Variants in LYSMD1 observed in about 807,000 individuals in gnomAD.
LYSMD1 encodes the protein LysM domain containing 1.
LYSMD1 carries 9 observed loss-of-function variants against 19.3 expected under a neutral mutation model. The ratio of observed to expected loss-of-function variants is 0.47; its 90% CI spans 0.28 to 0.81. LYSMD1 has a LOEUF of 0.81. Among genes scored for constraint, LYSMD1 ranks in the 40% least tolerant of loss-of-function variants. The pLI, the probability that LYSMD1 is intolerant of heterozygous loss-of-function variation, is 0.11. For missense variants in LYSMD1, 262 were observed against 279.8 expected, an observed-to-expected ratio of 0.94 and a Z score of 0.45; for synonymous variants, 111 against 111.7, an observed-to-expected ratio of 0.99 and a Z score of 0.04.
At chr1:151,155,645 G>C (rs902838010), downstream of LYSMD1, among the ~76,000 whole-genome samples, 1 of 152,178 alleles carries the variant, frequency 6.6e-6, no homozygotes, top group Non-Finnish European at 1.5e-5. Context: ...GAGCCCAGGA[G>C]GTCAAGGCTG....
chr1:151,152,976 T>A, the LYSMD1 span, among the ~76,000 whole-genome samples: 1 of 152,228 alleles, frequency 6.6e-6, no homozygotes, highest in African/African-American at 2.4e-5. Context: ...AAAAAAGTAC[T>A]ATTCACTTCC....
chr1:151,153,459 C>A, the LYSMD1 span, among the ~76,000 whole-genome samples: 22 of 151,888 alleles, frequency 1.4e-4, no homozygotes, highest in African/African-American at 5.3e-4. Flanking sequence ...TCGAGACCAG[C>A]CTGGCCAATA....
At chr1:151,153,014 A>G in the LYSMD1 span, among the ~76,000 whole-genome samples, 1 of 152,220 alleles carries the variant, frequency 6.6e-6, no homozygotes, top group Non-Finnish European at 1.5e-5. Flanking sequence ...AAAGAGCACC[A>G]TTGAAAGTCA....
At chr1:151,163,716 T>G (rs904133380) in intron 1 of LYSMD1, among the ~76,000 whole-genome samples, 6 of 148,842 alleles carry the variant, frequency 4.0e-5, no homozygotes, top group Admixed American at 1.3e-4. Flanking sequence ...GTTGTAGAGA[T>G]GGGGTTTCAC....
chr1:151,162,225 C>G, intron 1 of LYSMD1, 125 bp from the exon 2 acceptor site: 1 of 921,794 alleles, frequency 1.1e-6, no homozygotes, highest in East Asian at 2.8e-5. Flanking sequence ...GTACAAAGGG[C>G]TGACATTATT....
Position 151,165,120 on chromosome 1 carries a change from C to T in LYSMD1, c.139G>A (p.Gly47Arg). 1.2e-6 allele frequency: 2 copies of T among 1,614,206 alleles called. No individual in the cohort carries two copies. Among genetic ancestry groups the T allele is most frequent in the South Asian group, 1.1e-5 (1 of 91,066 alleles). The change falls in exon 1 of 3, where the codon GGA (glycine) becomes AGA (arginine). Residue 47 changes from glycine (G) to arginine (R), a missense_variant. Coordinates refer to ENST00000368908, the MANE Select transcript of LYSMD1 (RefSeq NM_212551.5). ...ERRLEHQLEP[G>R]DTLAGLALKY... ...AGTGCTAGTCCAGCCAGGGTGTCTC[C>T]GGGCTCCAACTGATGCTCCAGGCGT...
At chr1:151,164,580 C>G (rs990775244) in intron 1 of LYSMD1, among the ~76,000 whole-genome samples, 3 of 152,154 alleles carry the variant, frequency 2.0e-5, no homozygotes, top group African/African-American at 7.2e-5. Flanking sequence ...GAGGAGGAAC[C>G]AAGAGCAAGG....
chr1:151,151,299 C>T, the LYSMD1 span, among the ~76,000 whole-genome samples: 1 of 151,568 alleles, frequency 6.6e-6, no homozygotes, highest in Non-Finnish European at 1.5e-5. Flanking sequence ...ACACCATTCT[C>T]CTGCCTCAGC....
chr1:151,158,724 G>A, downstream of LYSMD1: 1 of 1,609,444 alleles, frequency 6.2e-7, no homozygotes, highest in Non-Finnish European at 8.5e-7. Flanking sequence ...CAAAGAGCCT[G>A]GCACTGCAAG....
chr1:151,159,127 C>T (rs375994867), downstream of LYSMD1: 10 of 1,614,078 alleles, frequency 6.2e-6, no homozygotes, highest in Admixed American at 1.7e-5. Context: ...TGGCCGCATC[C>T]GCCACGTGTT....
At chr1:151,148,715 G>A in the LYSMD1 span, among the ~76,000 whole-genome samples, 12 of 152,152 alleles carry the variant, frequency 7.9e-5, no homozygotes, top group African/African-American at 1.9e-4. Context: ...AAATGTTCCC[G>A]AGGGACACAG....
chr1:151,150,830 C>T, the LYSMD1 span, among the ~76,000 whole-genome samples: 1 of 151,498 alleles, frequency 6.6e-6, no homozygotes, highest in African/African-American at 2.4e-5. Flanking sequence ...ACCTCCACCT[C>T]CTGGGTTCAA....
downstream of LYSMD1, chr1:151,159,086 T>C (rs148384804): frequency 7.4e-6 from 12 of 1,614,074 alleles, no homozygotes; most frequent in African/African-American, 2.7e-5. Flanking sequence ...CTGCTAGAGT[T>C]GGTGGAACAC....
the LYSMD1 span, among the ~76,000 whole-genome samples, chr1:151,149,938 C>T: frequency 6.6e-6 from 1 of 152,178 alleles, no homozygotes; most frequent in African/African-American, 2.4e-5. Flanking sequence ...ATTCCACCAA[C>T]TTTTTGCTCC....
At chr1:151,157,554 T>C (rs1683266934), downstream of LYSMD1, among the ~76,000 whole-genome samples, 1 of 152,154 alleles carries the variant, frequency 6.6e-6, no homozygotes, top group South Asian at 2.1e-4. Flanking sequence ...TCTTGAGGTG[T>C]TGGCTTCTCG....
intron 2 of LYSMD1, 133 bp from the exon 3 acceptor site, chr1:151,161,153 A>G (rs1457463848): frequency 9.2e-6 from 8 of 867,044 alleles, no homozygotes; most frequent in East Asian, 2.6e-5. Context: ...AGTACCCTCT[A>G]GATAAATCCT....
At chr1:151,159,050 G>C, downstream of LYSMD1, 1 of 1,614,154 alleles carries the variant, frequency 6.2e-7, no homozygotes. Context: ...GTTCTGGCTG[G>C]CCTGCTGACC....
chr1:151,158,981 G>A (rs375574980), downstream of LYSMD1: 11 of 1,614,150 alleles, frequency 6.8e-6, no homozygotes, highest in African/African-American at 5.3e-5. Context: ...CAGAAGCTGC[G>A]GCAGGGTGCC....
In LYSMD1 at chr1:151,165,271, C is replaced by T; in HGVS notation, c.-13G>A. On this transcript the variant is annotated 5_prime_UTR_variant, in exon 1 of 3. Coordinates refer to ENST00000368908, the MANE Select transcript of LYSMD1 (RefSeq NM_212551.5). ...ACGGGGAAGCCATCTCTTCACCCTG[C>T]CAACAGCTAAGGTTGCAACTAGGGG... 1 of 1,608,724 alleles carries T rather than the reference C, an allele frequency of 6.2e-7. No homozygotes were observed. The highest frequency in any genetic ancestry group is 8.5e-7 in the Non-Finnish European group (1 of 1,176,842).
Sources: gnomAD v4.1 joint callset for allele counts (sites outside exome capture counted in the v4.1 genomes callset) on GRCh38, gnomAD v4.1.1 for gene constraint, MANE v1.5 for transcripts, NCBI Gene and HGNC (gene_info 2026-07-23, HGNC 2026-07-21) for gene names.